Variants in GRM7 observed in about 807,000 individuals in gnomAD.
The protein encoded by GRM7 is glutamate metabotropic receptor 7, also known as metabotropic glutamate receptor 7.
Under a neutral mutation model 84.5 loss-of-function variants are expected in GRM7, and 35 were observed. The observed-to-expected ratio is 0.41, with a 90% CI of 0.32 to 0.55. The LOEUF (loss-of-function observed/expected upper bound fraction) is 0.55. Among genes scored for constraint, GRM7 ranks in the 20% least tolerant of loss-of-function variants. The pLI is 0.19. For missense variants in GRM7, 1,003 were observed against 1,194.6 expected (o/e 0.84, Z 2.36); for synonymous variants, 487 against 455.1 (o/e 1.07, Z -0.89).
chr3:7,641,913 A>G (rs966764981), intron 8 of GRM7, among the ~76,000 whole-genome samples: 1 of 150,466 alleles, frequency 6.6e-6, no homozygotes, highest in Non-Finnish European at 1.5e-5. Flanking sequence ...ACACTCTCCT[A>G]CCATGTTTAC....
chr3:7,339,989 C>G (rs1701576363), intron 4 of GRM7, among the ~76,000 whole-genome samples: 1 of 152,070 alleles, frequency 6.6e-6, no homozygotes, highest in Non-Finnish European at 1.5e-5. Flanking sequence ...TAAGAAATAA[C>G]TTTCCTAAAA....
intron 1 of GRM7, among the ~76,000 whole-genome samples, chr3:7,054,709 G>T (rs761164214): frequency 2.6e-5 from 4 of 151,696 alleles, no homozygotes; most frequent in Non-Finnish European, 4.4e-5. Flanking sequence ...TTTCTTACTG[G>T]TTTTCTCTCA....
At chr3:7,308,118 C>T (rs924854400) in intron 4 of GRM7, among the ~76,000 whole-genome samples, 2 of 152,164 alleles carry the variant, frequency 1.3e-5, no homozygotes, top group Admixed American at 6.5e-5. Context: ...GCAGCACTGT[C>T]CTGCACTCCT....
chr3:7,182,666 T>C (rs1168013905), intron 2 of GRM7, among the ~76,000 whole-genome samples: 1 of 152,164 alleles, frequency 6.6e-6, no homozygotes, highest in Non-Finnish European at 1.5e-5. Flanking sequence ...CAATTAATCG[T>C]AACCAGAATT....
At chr3:7,319,355 A>G (rs1246623066) in intron 4 of GRM7, among the ~76,000 whole-genome samples, 1 of 152,072 alleles carries the variant, frequency 6.6e-6, no homozygotes, top group Non-Finnish European at 1.5e-5. Flanking sequence ...CAAAGAGCCA[A>G]AAGTATCAAA....
chr3:7,378,908 A>G (rs1694469898), intron 4 of GRM7, among the ~76,000 whole-genome samples: 1 of 152,148 alleles, frequency 6.6e-6, no homozygotes, highest in Admixed American at 6.5e-5. Flanking sequence ...TCCAAGAATC[A>G]ACAATGTCAT....
chr3:7,531,788 C>G (rs548993266), intron 7 of GRM7, among the ~76,000 whole-genome samples: 25 of 152,102 alleles, frequency 1.6e-4, no homozygotes, highest in East Asian at 1.2e-3. Context: ...ATTTGAATAC[C>G]CTTTATTTCT....
At chr3:7,689,356 A>G (rs1004822449) in intron 9 of GRM7, among the ~76,000 whole-genome samples, 1 of 152,188 alleles carries the variant, frequency 6.6e-6, no homozygotes, top group South Asian at 2.1e-4. Context: ...CCTCTTTAAC[A>G]TTCAATGTGT....
intron 2 of GRM7, among the ~76,000 whole-genome samples, chr3:7,296,281 G>T (rs1014866420): frequency 6.6e-6 from 1 of 152,008 alleles, no homozygotes. Flanking sequence ...ATTGTTGCTG[G>T]ATTTGTTTTG....
chr3:7,632,858 T>G (rs1353369901), intron 8 of GRM7, among the ~76,000 whole-genome samples: 3 of 152,236 alleles, frequency 2.0e-5, no homozygotes, highest in Non-Finnish European at 2.9e-5. Flanking sequence ...AAGATTTCAG[T>G]GCATCTTTAA....
intron 2 of GRM7, among the ~76,000 whole-genome samples, chr3:7,150,843 G>C (rs1382780346): frequency 6.6e-6 from 1 of 152,140 alleles, no homozygotes; most frequent in South Asian, 2.1e-4. Flanking sequence ...ATAAATTCCA[G>C]ATCCTTTTAA....
At chr3:7,285,803 G>C (rs1296361456) in intron 2 of GRM7, among the ~76,000 whole-genome samples, 2 of 151,936 alleles carry the variant, frequency 1.3e-5, no homozygotes, top group Non-Finnish European at 2.9e-5. Flanking sequence ...CCTTTCCACT[G>C]TTCTACTTAT....
At position 6,862,125 on chromosome 3, in the gene GRM7, G is replaced by T. The variant is rs919380532; in HGVS notation, c.519+218G>T. 1.3e-5 allele frequency among the ~76,000 whole-genome samples: 2 copies of T among 151,968 alleles called. No individual in the cohort carries two copies. Among genetic ancestry groups the T allele is most frequent in the African/African-American group, 4.8e-5 (2 of 41,392 alleles). On this transcript the variant is annotated intron_variant, in intron 1 of 9. Coordinates refer to ENST00000357716, the MANE Select transcript of GRM7 (RefSeq NM_000844.4). The surrounding 1 kb of genome is among the most constrained non-coding windows in gnomAD (Gnocchi z 5.2). ...CCCCTGTCCACGCTCCACTCCATCC[G>T]GCTTGACATCTGGATTTATGGCCCC...
chr3:7,325,765 T>C (rs1575169758), intron 4 of GRM7, among the ~76,000 whole-genome samples: 1 of 152,210 alleles, frequency 6.6e-6, no homozygotes, highest in Non-Finnish European at 1.5e-5. Context: ...ATATTTGTAG[T>C]GTTAACAAAA....
chr3:7,209,641 A>G (rs921100785), intron 2 of GRM7, among the ~76,000 whole-genome samples: 3 of 152,210 alleles, frequency 2.0e-5, no homozygotes, highest in Non-Finnish European at 2.9e-5. Context: ...TGTGGAACTA[A>G]AAAGCTGTCT....
chr3:6,990,379 G>C (rs1303614019), intron 1 of GRM7, among the ~76,000 whole-genome samples: 2 of 152,110 alleles, frequency 1.3e-5, no homozygotes, highest in African/African-American at 4.8e-5. Context: ...GGTATTTTTT[G>C]AATTTCTCTA....
chr3:7,512,806 T>G (rs995314608), intron 7 of GRM7, among the ~76,000 whole-genome samples: 2 of 151,998 alleles, frequency 1.3e-5, no homozygotes, highest in South Asian at 2.1e-4. Context: ...AAGACAGACG[T>G]TTTTGGGGGA....
At chr3:7,619,661 A>T (rs1042097775) in intron 8 of GRM7, among the ~76,000 whole-genome samples, 35 of 152,056 alleles carry the variant, frequency 2.3e-4, no homozygotes, top group Admixed American at 7.9e-4. Context: ...GTATCCAGAG[A>T]TCTATTTTGA....
At chr3:7,144,517 G>A (rs1230437267) in intron 1 of GRM7, among the ~76,000 whole-genome samples, 1 of 152,126 alleles carries the variant, frequency 6.6e-6, no homozygotes, top group Non-Finnish European at 1.5e-5. Flanking sequence ...GTGCAGCAGA[G>A]GACTTGAAAG....
Sources: allele counts gnomAD v4.1 joint callset (sites outside exome capture counted in the v4.1 genomes callset), GRCh38; gene constraint gnomAD v4.1.1; non-coding constraint Gnocchi (gnomAD v3.1); transcripts MANE v1.5; gene names NCBI Gene and HGNC (gene_info 2026-07-23, HGNC 2026-07-21).